DNAH8: variants seen among roughly 807,000 people sequenced by gnomAD.
DNAH8 encodes axonemal beta dynein heavy chain 8.
In DNAH8, 382 loss-of-function variants were observed where a neutral mutation model predicts 562.1. The observed-to-expected ratio is 0.68, with a 90% CI of 0.63 to 0.74. The LOEUF (loss-of-function observed/expected upper bound fraction) is 0.74, where lower values mean the gene tolerates loss of function less well. DNAH8 is among the 30% of genes least tolerant of loss of function. The pLI, the probability that DNAH8 is intolerant of heterozygous loss-of-function variation, is 0.00. For missense variants in DNAH8, 5,203 were observed against 5,620.4 expected, an observed-to-expected ratio of 0.93 and a Z score of 2.37; for synonymous variants, 1,881 against 1,919.4, an observed-to-expected ratio of 0.98 and a Z score of 0.52.
At position 38,868,062 on chromosome 6, in the gene DNAH8, G is replaced by T. The variant is rs141684275; in HGVS notation, c.6694G>T (p.Val2232Phe). The change falls in exon 48 of 93, where the codon GTT (valine) becomes TTT (phenylalanine). Residue 2232 changes from valine (V) to phenylalanine (F), a missense_variant and splice_region_variant. Physicochemically the swap from Val to Phe is conservative, Grantham distance 50. This residue lies in a region of DNAH8 where 2,176 missense variants were observed against 2,365.1 expected (regional missense o/e 0.92). Transcript: ENST00000327475. ...TTTTTGCCCTCTTCTCCCATCTCAGGTTCATTATGACTTTGGATTGAGAAA... is the reference window on the plus strand; with the variant it reads ...TTTTTGCCCTCTTCTCCCATCTCAGTTTCATTATGACTTTGGATTGAGAAA... ...KLCEEQLTKQ[V>F]HYDFGLRNIL... The T allele has an allele frequency of 1.2e-6, 2 of 1,605,688 alleles. No individual in the cohort carries two copies. Among genetic ancestry groups the T allele is most frequent in the East Asian group, 2.2e-5 (1 of 44,800 alleles).
In DNAH8 at chr6:38,863,881, C is replaced by T. The variant is rs1358281716; in HGVS notation, c.6319C>T (p.Gln2107Ter). 7.6e-6 allele frequency: 12 copies of T among 1,589,376 alleles called. No homozygotes were observed. The highest frequency in any genetic ancestry group is 1.2e-5 in the South Asian group (1 of 85,528). ...ACTGTTTTTCATGCCAGGTCTTGCA[C>T]AGTCGGGTTCCTGGGGCTGTTTTGA... ...GLGRIFKGLA[Q>*]SGSWGCFDEF... The change falls in exon 45 of 93, where the codon CAG becomes TAG. Residue 2107 changes from glutamine to a stop codon, truncating the protein, a stop_gained. Transcript: ENST00000327475. LOFTEE classifies it high-confidence loss of function.
intron 9 of DNAH8, among the ~76,000 whole-genome samples, chr6:38,754,180 T>A (rs377168289): frequency 6.6e-6 from 1 of 152,138 alleles, no homozygotes. Flanking sequence ...TGTATATAGA[T>A]GGACAAGAAC....
rs1296936778 is a variant in DNAH8 at position 38,775,850 on chromosome 6, T to C, written c.1861T>C (p.Tyr621His). 6.2e-7 allele frequency: 1 copy of C among 1,607,756 alleles called. No individual in the cohort carries two copies. The highest frequency in any genetic ancestry group is 8.5e-7 in the Non-Finnish European group (1 of 1,174,610). Residue 621 changes from tyrosine (Y) to histidine (H), a missense_variant, in exon 13 of 93, where the codon TAC (tyrosine) becomes CAC (histidine). Tyr to His is a moderately conservative substitution (Grantham distance 83, BLOSUM62 2). Coordinates refer to ENST00000327475, the MANE Select transcript of DNAH8 (RefSeq NM_001206927.2). ...TATGGCAATAAAATTCAGAAATATA[T>C]ACCAAGGGGTTAAGAAAAAGCAATA... is the stretch of plus-strand genomic sequence containing the variant. Reference protein sequence around the residue: ...DIMAIKFRNIYQGVKKKQYDI... With the variant: ...DIMAIKFRNIHQGVKKKQYDI...
At chr6:38,913,025 T>A (rs1309568916) in intron 66 of DNAH8, among the ~76,000 whole-genome samples, 3 of 152,226 alleles carry the variant, frequency 2.0e-5, no homozygotes, top group African/African-American at 7.2e-5. Flanking sequence ...GCCAGGCTGG[T>A]TTCGAACTGA....
chr6:38,788,132 T>C (rs922402338), intron 18 of DNAH8, among the ~76,000 whole-genome samples: 1 of 147,686 alleles, frequency 6.8e-6, no homozygotes, highest in Non-Finnish European at 1.5e-5. Context: ...AATAATATAA[T>C]AAATAAATTT....
chr6:38,725,083 G>A (rs147246261), intron 3 of DNAH8, among the ~76,000 whole-genome samples: 107 of 152,008 alleles, frequency 7.0e-4, no homozygotes, highest in African/African-American at 2.5e-3. Flanking sequence ...CGGGCAGATC[G>A]CCTGAGATCA....
chr6:38,750,107 C>T (rs1765307826), intron 8 of DNAH8, among the ~76,000 whole-genome samples: 1 of 152,230 alleles, frequency 6.6e-6, no homozygotes, highest in Admixed American at 6.5e-5. Context: ...GCTGGGATTA[C>T]AGGCGTAAGC....
chr6:38,923,000 A>C (rs754398977), intron 71 of DNAH8, 58 bp from the exon 72 acceptor site: 19 of 1,548,062 alleles, frequency 1.2e-5, no homozygotes, highest in Middle Eastern at 3.4e-4. Flanking sequence ...AATATAATGG[A>C]TGTTTGTGTT....
At chr6:38,917,592 T>C (rs1474296593) in intron 69 of DNAH8, among the ~76,000 whole-genome samples, 186 bp downstream of exon 69, 2 of 152,238 alleles carry the variant, frequency 1.3e-5, no homozygotes, top group Admixed American at 6.5e-5. Context: ...CTTCTTTTTA[T>C]GACATCTGTC....
chr6:39,022,778 G>A lies in DNAH8; in HGVS notation c.13715-3768G>A, dbSNP rs999928766. On this transcript the variant is annotated intron_variant, in intron 91 of 92. Transcript: ENST00000327475. ...GCCTGGGAGGGAGGGCCACACCCCT[G>A]CAGTCTTGCTGTGCTGGTGTAGTGG... Among the ~76,000 whole-genome samples, 12 of 152,324 alleles carry A rather than the reference G, an allele frequency of 7.9e-5. No homozygotes were observed. In the South Asian group the frequency reaches 1.9e-3, roughly 24 times the overall value.
At chr6:38,838,845 T>A (rs1321049385) in intron 33 of DNAH8, among the ~76,000 whole-genome samples, 3 of 152,260 alleles carry the variant, frequency 2.0e-5, no homozygotes, top group Non-Finnish European at 4.4e-5. Context: ...TAGAATATTC[T>A]TAAAGAATTT....
At chr6:39,001,154 A>G (rs1476381766) in intron 88 of DNAH8, among the ~76,000 whole-genome samples, 2 of 152,118 alleles carry the variant, frequency 1.3e-5, no homozygotes, top group Non-Finnish European at 2.9e-5. Flanking sequence ...TTTTGCCAAA[A>G]GAGTTTGGGG....
At position 38,741,805 on chromosome 6, in the gene DNAH8, A is replaced by G. The variant is rs760373783; in HGVS notation, c.1211A>G (p.Asn404Ser). Residue 404 changes from asparagine (N) to serine (S), a missense_variant, in exon 8 of 93, where the codon AAC (asparagine) becomes AGC (serine). Asn to Ser is a conservative substitution (Grantham distance 46). Around this residue, in one of 6 missense-constraint regions of DNAH8, gnomAD observed 556 missense variants for 496.9 expected, o/e 1.12. Coordinates refer to ENST00000327475, the MANE Select transcript of DNAH8 (RefSeq NM_001206927.2). Reference protein sequence around the residue: ...EHWKRMSAKFNYIIEQIKGPS... With the variant: ...EHWKRMSAKFSYIIEQIKGPS... ...TGGAAACGCATGTCAGCCAAGTTCA[A>G]CTATATCATTGAGCAGATTAAAGGG... is the stretch of plus-strand genomic sequence containing the variant. The G allele has an allele frequency of 1.2e-5, 19 of 1,614,176 alleles. No individual in the cohort carries two copies. Among genetic ancestry groups the G allele is most frequent in the Non-Finnish European group, 1.4e-5 (17 of 1,179,998 alleles).
intron 82 of DNAH8, among the ~76,000 whole-genome samples, chr6:38,970,380 G>T (rs1388222864): frequency 6.6e-6 from 1 of 152,092 alleles, no homozygotes; most frequent in Non-Finnish European, 1.5e-5. Flanking sequence ...TTCCCCTTAG[G>T]AGCTGGAAAG....
At chr6:38,866,563 TA>T in intron 45 of DNAH8, 27 bp from the exon 46 acceptor site, 2 of 1,505,104 alleles carry the variant, frequency 1.3e-6, no homozygotes, top group South Asian at 2.5e-5. Context: ...TTTTAGCAAT[TA>T]AAAATTAAAC....
intron 88 of DNAH8, among the ~76,000 whole-genome samples, chr6:39,006,602 G>C (rs1421780748): frequency 6.6e-6 from 1 of 152,152 alleles, no homozygotes; most frequent in Non-Finnish European, 1.5e-5. Flanking sequence ...CTGAGTCAAA[G>C]GTATATTGTT....
chr6:38,778,246 G>A (rs1582978816), intron 13 of DNAH8, 142 bp from the exon 14 acceptor site: 6 of 513,798 alleles, frequency 1.2e-5, no homozygotes, highest in East Asian at 3.2e-5. Context: ...CATACTGGAC[G>A]ATGCAGTTCT....
intron 8 of DNAH8, chr6:38,744,454 T>G (rs1303799098): frequency 6.6e-6 from 1 of 152,204 alleles, no homozygotes; most frequent in East Asian, 1.9e-4. Context: ...TTTTATTTTG[T>G]TCTTTCCTTG....
In DNAH8 at chr6:38,946,332, G is replaced by A. The variant is rs375423758; in HGVS notation, c.12129+744G>A. Among the ~76,000 whole-genome samples, 15 of 152,314 alleles carry A rather than the reference G, an allele frequency of 9.8e-5. No homozygotes were observed. The East Asian group carries it at 2.1e-3, about 22-fold the overall frequency. ...ACCAATCCCCTGCCCAACATACTGT[G>A]TTAGCTGCCTCTGTTTGTTTAGTGG... is the stretch of plus-strand genomic sequence containing the variant. On this transcript the variant is annotated intron_variant, in intron 80 of 92. Coordinates refer to ENST00000327475, the MANE Select transcript of DNAH8 (RefSeq NM_001206927.2).
Sources: allele counts gnomAD v4.1 joint callset (sites outside exome capture counted in the v4.1 genomes callset), GRCh38; gene constraint gnomAD v4.1.1; regional missense constraint gnomAD v4.1.1; transcripts MANE v1.5; gene names NCBI Gene and HGNC (gene_info 2026-07-23, HGNC 2026-07-21).